The following KCNH8 variants were observed in gnomAD, a reference collection of about 807,000 sequenced individuals.
KCNH8 encodes potassium voltage-gated channel subfamily H member 8.
KCNH8 carries 70 observed loss-of-function variants against 103.6 expected under a neutral mutation model. That is an observed-to-expected ratio of 0.68 (90% CI 0.56 to 0.82). The LOEUF is 0.82. KCNH8 is among the 40% of genes least tolerant of loss of function. KCNH8 has a pLI of 0.00. For synonymous variants in KCNH8, 498 were observed against 489.4 expected (o/e 1.02, Z -0.23); for missense variants, 1,217 against 1,329.9 (o/e 0.92, Z 1.32).
At chr3:19,258,935 C>CTATA (rs2064384138) in intron 2 of KCNH8, among the ~76,000 whole-genome samples, 2 of 83,436 alleles carry the variant, frequency 2.4e-5, no homozygotes, top group African/African-American at 9.8e-5. Flanking sequence ...CTCTCTCTCT[C>CTATA]TCTCTCTCTC....
chr3:19,317,233 G>A (rs1211240064), intron 3 of KCNH8, among the ~76,000 whole-genome samples: 3 of 151,822 alleles, frequency 2.0e-5, no homozygotes, highest in Non-Finnish European at 4.4e-5. Context: ...TAACAAAATT[G>A]TTACTGCTAC....
Position 19,450,114 on chromosome 3 carries a change from C to T in KCNH8, c.1384C>T (p.His462Tyr), listed in dbSNP as rs2067424475. ...TGTGTTGTTCTTTCTAGCCTTGATG[C>T]ACGCCTTGGTGTTTGGAAACGTGAC... is the stretch of plus-strand genomic sequence containing the variant. ...ICTMLIGALM[H>Y]ALVFGNVTAI... The change falls in exon 9 of 16, where the codon CAC becomes TAC. Residue 462 changes from histidine to tyrosine, a missense_variant. His to Tyr is a moderately conservative substitution (Grantham distance 83). Around this residue, in one of 3 missense-constraint regions of KCNH8, gnomAD observed 415 missense variants for 577.4 expected, o/e 0.72. Coordinates refer to ENST00000328405, the MANE Select transcript of KCNH8 (RefSeq NM_144633.3). 1 of 1,613,194 alleles carries T rather than the reference C, an allele frequency of 6.2e-7. No homozygotes were observed. Among genetic ancestry groups the T allele is most frequent in the Non-Finnish European group, 8.5e-7 (1 of 1,179,422 alleles).
At chr3:19,278,639 C>T (rs1054405565) in intron 2 of KCNH8, among the ~76,000 whole-genome samples, 2 of 151,996 alleles carry the variant, frequency 1.3e-5, no homozygotes, top group Non-Finnish European at 2.9e-5. Flanking sequence ...ACTTTTTTGT[C>T]ATATAGGCAC....
intron 3 of KCNH8, among the ~76,000 whole-genome samples, chr3:19,287,268 G>C (rs190390376): frequency 2.0e-5 from 3 of 152,240 alleles, no homozygotes; most frequent in Admixed American, 2.0e-4. Flanking sequence ...ATAATGGTGA[G>C]ACATTAGAGA....
At position 19,377,445 on chromosome 3, in the gene KCNH8, C is replaced by T. The variant is rs946318442; in HGVS notation, c.812-13036C>T. ...CAAGGGTGGTTATAGCCATTTAAAT[C>T]AGACGTAGGGACAATTTCTTTTTAT... On this transcript the variant is annotated intron_variant, in intron 5 of 15. Coordinates refer to ENST00000328405, the MANE Select transcript of KCNH8 (RefSeq NM_144633.3). 5.3e-5 allele frequency among the ~76,000 whole-genome samples: 8 copies of T among 152,178 alleles called. No homozygotes were observed. The South Asian group carries it at 8.3e-4, about 16-fold the overall frequency.
At chr3:19,320,317 C>T (rs1397274811) in intron 3 of KCNH8, among the ~76,000 whole-genome samples, 1 of 151,790 alleles carries the variant, frequency 6.6e-6, no homozygotes, top group Non-Finnish European at 1.5e-5. Context: ...TCTTTTATTA[C>T]CTTAAGGTAT....
intron 2 of KCNH8, among the ~76,000 whole-genome samples, chr3:19,270,656 A>G (rs918337873): frequency 2.0e-5 from 3 of 152,078 alleles, no homozygotes; most frequent in African/African-American, 7.2e-5. Flanking sequence ...TTTGCCTCAC[A>G]TGTCTGCCAA....
chr3:19,478,065 C>T (rs2068012694), intron 11 of KCNH8, among the ~76,000 whole-genome samples: 1 of 152,150 alleles, frequency 6.6e-6, no homozygotes, highest in Non-Finnish European at 1.5e-5. Flanking sequence ...CCTCCAGTTA[C>T]ACCCATGTTA....
At chr3:19,222,608 AC>A (rs1382027291) in intron 1 of KCNH8, among the ~76,000 whole-genome samples, 1 of 152,224 alleles carries the variant, frequency 6.6e-6, no homozygotes, top group East Asian at 1.9e-4. Flanking sequence ...CTGTAGTGTG[AC>A]AAATAATACA....
intron 3 of KCNH8, among the ~76,000 whole-genome samples, chr3:19,281,716 A>G (rs532581964): frequency 1.3e-5 from 2 of 152,226 alleles, no homozygotes; most frequent in African/African-American, 4.8e-5. Context: ...CTGTAGCTCA[A>G]AACTTAGATG....
intron 11 of KCNH8, among the ~76,000 whole-genome samples, chr3:19,470,683 A>T (rs2067837230): frequency 1.3e-5 from 2 of 152,182 alleles, no homozygotes; most frequent in Non-Finnish European, 2.9e-5. Context: ...GAGATAAGAG[A>T]CAAGAACGAG....
intron 15 of KCNH8, among the ~76,000 whole-genome samples, chr3:19,518,568 A>T (rs1053044043): frequency 2.0e-5 from 3 of 151,896 alleles, no homozygotes; most frequent in Admixed American, 1.3e-4. Context: ...CTTACTATCT[A>T]TTCATTTTTA....
At chr3:19,202,347 A>T (rs962869142) in intron 1 of KCNH8, among the ~76,000 whole-genome samples, 1 of 152,102 alleles carries the variant, frequency 6.6e-6, no homozygotes, top group Non-Finnish European at 1.5e-5. Context: ...CATAATTTGA[A>T]CTAGTAGTTT....
chr3:19,291,572 C>G (rs1239732741), intron 3 of KCNH8, among the ~76,000 whole-genome samples: 1 of 152,132 alleles, frequency 6.6e-6, no homozygotes, highest in Non-Finnish European at 1.5e-5. Flanking sequence ...GTTTCTTAAT[C>G]CTGAGTTCTA....
rs537811511 is a variant in KCNH8, at chr3:19,479,301, G to A, written c.2040+22319G>A. 3.0e-4 allele frequency among the ~76,000 whole-genome samples: 46 copies of A among 152,204 alleles called. 1 individual carries two copies. The highest frequency in any genetic ancestry group is 2.5e-3 in the Admixed American group (38 of 15,284). On this transcript the variant is annotated intron_variant, in intron 11 of 15. Transcript: ENST00000328405. ...CAGAAGTGATACCATTTACCTAGTGGAAAAGAATTATCCTCTAAGTCTTAA... is the reference window on the plus strand; with the variant it reads ...CAGAAGTGATACCATTTACCTAGTGAAAAAGAATTATCCTCTAAGTCTTAA...
intron 7 of KCNH8, among the ~76,000 whole-genome samples, chr3:19,429,593 A>C (rs2067089044): frequency 6.6e-6 from 1 of 152,078 alleles, no homozygotes; most frequent in East Asian, 1.9e-4. Flanking sequence ...TTTAACTTTT[A>C]AGTTTGGAGG....
At chr3:19,161,545 G>A (rs1266388537) in intron 1 of KCNH8, among the ~76,000 whole-genome samples, 1 of 152,156 alleles carries the variant, frequency 6.6e-6, no homozygotes, top group Non-Finnish European at 1.5e-5. Context: ...TGGAAAACCA[G>A]TTAACTTTAA....
At chr3:19,504,007 G>C (rs1404683960) in intron 11 of KCNH8, among the ~76,000 whole-genome samples, 5 of 151,996 alleles carry the variant, frequency 3.3e-5, no homozygotes, top group Non-Finnish European at 7.4e-5. Context: ...TAAGTCAATG[G>C]AACAGAATTG....
intron 3 of KCNH8, among the ~76,000 whole-genome samples, chr3:19,331,651 AT>A (rs2065511106): frequency 6.6e-6 from 1 of 152,166 alleles, no homozygotes; most frequent in South Asian, 2.1e-4. Flanking sequence ...TGCATAAGAT[AT>A]TTTGGTACAG....
Sources: allele counts gnomAD v4.1 joint callset (sites outside exome capture counted in the v4.1 genomes callset), GRCh38; gene constraint gnomAD v4.1.1; regional missense constraint gnomAD v4.1.1; transcripts MANE v1.5; gene names NCBI Gene and HGNC (gene_info 2026-07-23, HGNC 2026-07-21).